Variants in METTL15 observed in about 807,000 individuals in gnomAD.
The protein encoded by METTL15 is methyltransferase 15, mitochondrial 12S rRNA N4-cytidine.
A neutral mutation model predicts 38.3 loss-of-function variants in METTL15; 34 were observed. The ratio of observed to expected loss-of-function variants is 0.89; its 90% confidence interval spans 0.68 to 1.18. The LOEUF (loss-of-function observed/expected upper bound fraction) is 1.18, where lower values mean the gene tolerates loss of function less well. Ranked by LOEUF, METTL15 falls within the 50% of genes most tolerant of loss-of-function variation. The pLI is 0.00. For missense variants in METTL15, 438 were observed against 498.4 expected (o/e 0.88, Z 1.15); for synonymous variants, 162 against 170.9 (o/e 0.95, Z 0.41).
intron 3 of METTL15, among the ~76,000 whole-genome samples, chr11:28,163,144 T>C (rs1850530519): frequency 8.6e-6 from 1 of 115,962 alleles, no homozygotes; most frequent in Admixed American, 9.8e-5. Context: ...AAAAGTTTAA[T>C]GTGAAAAGTG....
intron 4 of METTL15, among the ~76,000 whole-genome samples, chr11:28,247,005 A>G (rs1854541479): frequency 6.6e-6 from 1 of 152,180 alleles, no homozygotes; most frequent in African/African-American, 2.4e-5. Context: ...TTTATGAACT[A>G]TAAATGCTAT....
chr11:28,194,193 C>CTTT, intron 3 of METTL15, among the ~76,000 whole-genome samples: 1 of 484 alleles, frequency 2.1e-3, no homozygotes, highest in Non-Finnish European at 4.6e-3. Flanking sequence ...TCTCTCTCTC[C>CTTT]TCTCTCTCTC....
At chr11:28,126,525 A>C (rs1852494279) in intron 3 of METTL15, among the ~76,000 whole-genome samples, 1 of 152,142 alleles carries the variant, frequency 6.6e-6, no homozygotes, top group Non-Finnish European at 1.5e-5. Flanking sequence ...AATGAAAAGA[A>C]AGGTCCTACA....
chr11:28,232,333 C>G (rs1406701614), intron 4 of METTL15, among the ~76,000 whole-genome samples: 1 of 151,648 alleles, frequency 6.6e-6, no homozygotes, highest in Non-Finnish European at 1.5e-5. Flanking sequence ...CCAAGGGAAT[C>G]TATATGGGAA....
At chr11:28,320,757 G>A (rs887328849) in intron 6 of METTL15, among the ~76,000 whole-genome samples, 1 of 152,076 alleles carries the variant, frequency 6.6e-6, no homozygotes, top group African/African-American at 2.4e-5. Flanking sequence ...ATACAACCTG[G>A]AAGGTTTAGG....
At chr11:28,122,813 T>C (rs924127904) in intron 3 of METTL15, among the ~76,000 whole-genome samples, 2 of 152,008 alleles carry the variant, frequency 1.3e-5, no homozygotes, top group African/African-American at 2.4e-5. Flanking sequence ...CAACAACTTA[T>C]TCAATTATTT....
chr11:28,418,751 G>A (rs1427017046), intron 5 of METTL15, among the ~76,000 whole-genome samples: 1 of 152,166 alleles, frequency 6.6e-6, no homozygotes, highest in Non-Finnish European at 1.5e-5. Context: ...ATGGTTCAGA[G>A]AGATAATCTG....
chr11:28,294,032 A>AT (rs1360530405), intron 5 of METTL15, among the ~76,000 whole-genome samples: 8 of 152,036 alleles, frequency 5.3e-5, no homozygotes, highest in East Asian at 1.9e-4. Flanking sequence ...TCTTTTCCTA[A>AT]TGAATACCCT....
chr11:28,138,650 T>A (rs1849594333), intron 3 of METTL15, among the ~76,000 whole-genome samples: 1 of 152,138 alleles, frequency 6.6e-6, no homozygotes, highest in Non-Finnish European at 1.5e-5. Flanking sequence ...ATTCTAAAAG[T>A]CACACAGATA....
chr11:28,173,633 C>G (rs951415517), intron 3 of METTL15, among the ~76,000 whole-genome samples: 4 of 152,176 alleles, frequency 2.6e-5, no homozygotes, highest in African/African-American at 9.7e-5. Flanking sequence ...TACTGATACA[C>G]AATCATTAAC....
chr11:28,516,923 A>C (rs531216209), intron 6 of METTL15: 1 of 152,246 alleles, frequency 6.6e-6, no homozygotes, highest in South Asian at 2.1e-4. Context: ...TTGGATCATA[A>C]AGTTCAAGGG....
In METTL15 at chr11:28,183,833, G is replaced by A. The variant is rs574806579; in HGVS notation, c.271-27229G>A. ...GTTTGGAATAGTTTCAGAAGGAATG[G>A]TACCAGCTTCTCTTTGTACCTCTGG... On this transcript the variant is annotated intron_variant, in intron 3 of 6. Coordinates refer to ENST00000407364, the MANE Select transcript of METTL15 (RefSeq NM_001113528.2). Among the ~76,000 whole-genome samples, 297 of 152,184 alleles carry A rather than the reference G, an allele frequency of 2.0e-3. 1 individual carries two copies. Among genetic ancestry groups the A allele is most frequent in the African/African-American group, 5.9e-3 (246 of 41,534 alleles).
chr11:28,165,751 T>C (rs1850636853), intron 3 of METTL15, among the ~76,000 whole-genome samples: 1 of 152,128 alleles, frequency 6.6e-6, no homozygotes, highest in African/African-American at 2.4e-5. Context: ...GTGGAGCTTT[T>C]CCCATATGTT....
At chr11:28,291,128 C>T (rs996092893) in intron 5 of METTL15, among the ~76,000 whole-genome samples, 1 of 149,126 alleles carries the variant, frequency 6.7e-6, no homozygotes, top group Non-Finnish European at 1.5e-5. Flanking sequence ...CGCACTGCAA[C>T]CTCCACCTCC....
intron 3 of METTL15, among the ~76,000 whole-genome samples, chr11:28,200,296 A>G (rs530484416): frequency 6.6e-6 from 1 of 152,300 alleles, no homozygotes; most frequent in East Asian, 1.9e-4. Context: ...TTTGTAAAAT[A>G]GTGATGATAA....
At chr11:28,247,099 T>C (rs1854544455) in intron 4 of METTL15, among the ~76,000 whole-genome samples, 1 of 152,136 alleles carries the variant, frequency 6.6e-6, no homozygotes, top group South Asian at 2.1e-4. Flanking sequence ...TAGAATATTA[T>C]AATATTTCTA....
intron 3 of METTL15, among the ~76,000 whole-genome samples, chr11:28,139,089 A>G (rs533870679): frequency 9.8e-5 from 15 of 152,322 alleles, no homozygotes; most frequent in Admixed American, 2.6e-4. Flanking sequence ...TTTTACCAGC[A>G]TGTCAGACTT....
intron 3 of METTL15, among the ~76,000 whole-genome samples, chr11:28,178,167 T>A (rs1199640015): frequency 6.6e-6 from 1 of 151,836 alleles, no homozygotes; most frequent in Non-Finnish European, 1.5e-5. Flanking sequence ...GGTTGTCTAT[T>A]CAGGAATATG....
At chr11:28,348,554 G>C (rs1443640330) in intron 3 of METTL15, among the ~76,000 whole-genome samples, 1 of 151,922 alleles carries the variant, frequency 6.6e-6, no homozygotes, top group Admixed American at 6.6e-5. Flanking sequence ...TTTTTGTAGA[G>C]AACGGAGTCT....
Sources: allele counts gnomAD v4.1 joint callset (sites outside exome capture counted in the v4.1 genomes callset), GRCh38; gene constraint gnomAD v4.1.1; transcripts MANE v1.5; gene names NCBI Gene and HGNC (gene_info 2026-07-23, HGNC 2026-07-21).